The following TSHZ1 variants were observed in gnomAD, a reference collection of about 807,000 sequenced individuals.
TSHZ1 encodes the protein teashirt zinc finger homeobox 1.
Under a neutral mutation model 67.1 loss-of-function variants are expected in TSHZ1, and 12 were observed. That is an observed-to-expected ratio of 0.18 (90% CI 0.11 to 0.29). The LOEUF is 0.29. TSHZ1 is among the 10% of genes least tolerant of loss of function. The probability of loss-of-function intolerance (pLI) is 1.00; values close to 1 mark genes in which losing one functional copy is unlikely to be tolerated. For missense variants in TSHZ1, 1,305 were observed against 1,413.9 expected, an observed-to-expected ratio of 0.92 and a Z score of 1.23; for synonymous variants, 632 against 622.4, an observed-to-expected ratio of 1.02 and a Z score of -0.23.
chr18:75,219,483 C>T (rs563322730), intron 1 of TSHZ1, among the ~76,000 whole-genome samples: 9 of 152,328 alleles, frequency 5.9e-5, no homozygotes, highest in East Asian at 1.9e-4. Context: ...CCTTGAGATA[C>T]ACTAAGCACC....
intron 1 of TSHZ1, among the ~76,000 whole-genome samples, chr18:75,250,857 G>A (rs1471417176): frequency 6.6e-6 from 1 of 152,204 alleles, no homozygotes; most frequent in Non-Finnish European, 1.5e-5. Flanking sequence ...GGAGGGCGGA[G>A]GCCTGGCCGC....
At chr18:75,227,506 GA>G (rs953740125) in intron 1 of TSHZ1, among the ~76,000 whole-genome samples, 3 of 150,346 alleles carry the variant, frequency 2.0e-5, no homozygotes, top group African/African-American at 4.9e-5. Context: ...AAGTGCAAAG[GA>G]AAAAAAAAGT....
intron 1 of TSHZ1, among the ~76,000 whole-genome samples, chr18:75,262,067 C>T (rs1176118308): frequency 1.3e-5 from 2 of 152,156 alleles, no homozygotes; most frequent in Non-Finnish European, 2.9e-5. Flanking sequence ...AAAAAGCTGA[C>T]AGACTCTCAG....
rs188286295 is a variant in TSHZ1, at chr18:75,277,356, T to C, written c.41-8092T>C. On this transcript the variant is annotated intron_variant, in intron 1 of 1. Coordinates refer to ENST00000580243, the MANE Select transcript of TSHZ1 (RefSeq NM_001308210.2). ...CGATGGCACATCTGTGTGCAGGATG[T>C]TTTCTGATTCATTCTGTGAGTCTGT... is the stretch of plus-strand genomic sequence containing the variant. Among the ~76,000 whole-genome samples the C allele has an allele frequency of 2.9e-3, 437 of 152,234 alleles. 5 individuals carry two copies. Among genetic ancestry groups the C allele is most frequent in the African/African-American group, 9.8e-3 (405 of 41,526 alleles).
At chr18:75,236,280 C>T (rs961947606) in intron 1 of TSHZ1, among the ~76,000 whole-genome samples, 35 of 152,260 alleles carry the variant, frequency 2.3e-4, no homozygotes, top group African/African-American at 6.5e-4. Flanking sequence ...AGGGAGATGG[C>T]GTTCTTTGGG....
At chr18:75,265,808 TC>T (rs200186505) in intron 1 of TSHZ1, among the ~76,000 whole-genome samples, 1,826 of 152,036 alleles carry the variant, frequency 0.012, 12 homozygotes, top group South Asian at 0.021. Flanking sequence ...ATTTACTATT[TC>T]CCCCCCTTAC....
intron 1 of TSHZ1, among the ~76,000 whole-genome samples, chr18:75,227,084 C>T (rs144151793): frequency 6.6e-6 from 1 of 152,240 alleles, no homozygotes; most frequent in East Asian, 1.9e-4. Context: ...CCTGCATCTC[C>T]CCACTTTCTA....
intron 1 of TSHZ1, among the ~76,000 whole-genome samples, chr18:75,217,424 T>G (rs551505155): frequency 6.6e-6 from 1 of 152,194 alleles, no homozygotes; most frequent in South Asian, 2.1e-4. Context: ...ATAGACCAAA[T>G]GGAGCACTTG....
At chr18:75,247,513 T>C (rs2023239221) in intron 1 of TSHZ1, among the ~76,000 whole-genome samples, 1 of 152,246 alleles carries the variant, frequency 6.6e-6, no homozygotes, top group South Asian at 2.1e-4. Context: ...GCCCCTTAAG[T>C]TATCTTACTT....
intron 1 of TSHZ1, among the ~76,000 whole-genome samples, chr18:75,251,871 T>A (rs1343578192): frequency 6.6e-6 from 1 of 152,238 alleles, no homozygotes; most frequent in African/African-American, 2.4e-5. Flanking sequence ...CTTTAGCATC[T>A]CTATACTTGC....
chr18:75,217,096 A>G (rs993409176), intron 1 of TSHZ1, among the ~76,000 whole-genome samples: 1 of 152,192 alleles, frequency 6.6e-6, no homozygotes, highest in Non-Finnish European at 1.5e-5. Context: ...GTTTGCCAAG[A>G]GTTTTGGCTG....
At chr18:75,225,679 T>C (rs1223348461) in intron 1 of TSHZ1, among the ~76,000 whole-genome samples, 2 of 151,090 alleles carry the variant, frequency 1.3e-5, no homozygotes, top group Non-Finnish European at 2.9e-5. Context: ...CAAGGAGAGG[T>C]GCTGGTGGGC....
At chr18:75,236,951 A>G (rs2023080177) in intron 1 of TSHZ1, among the ~76,000 whole-genome samples, 1 of 152,154 alleles carries the variant, frequency 6.6e-6, no homozygotes, top group African/African-American at 2.4e-5. Context: ...GTAAGTTGTT[A>G]AAGCTTTAGT....
In TSHZ1 at chr18:75,275,864, G is replaced by A. The variant is rs180909906; in HGVS notation, c.41-9584G>A. On this transcript the variant is annotated intron_variant, in intron 1 of 1. Coordinates refer to ENST00000580243, the MANE Select transcript of TSHZ1 (RefSeq NM_001308210.2). ...ACTCCAGTAGTCAGCAAACAGCCAC[G>A]TGCTCTCTCAGGTGCATAGAAGTGT... is the stretch of plus-strand genomic sequence containing the variant. Among the ~76,000 whole-genome samples the A allele has an allele frequency of 5.0e-3, 765 of 152,306 alleles. 5 individuals carry two copies. The highest frequency in any genetic ancestry group is 0.01 in the Middle Eastern group (3 of 294).
At chr18:75,274,076 C>T (rs1260456919) in intron 1 of TSHZ1, among the ~76,000 whole-genome samples, 1 of 152,162 alleles carries the variant, frequency 6.6e-6, no homozygotes, top group Non-Finnish European at 1.5e-5. Context: ...CTGTAGGGTG[C>T]TGTGCGTGTC....
chr18:75,268,802 G>A (rs752507447), intron 1 of TSHZ1, among the ~76,000 whole-genome samples: 16 of 152,298 alleles, frequency 1.1e-4, no homozygotes, highest in Non-Finnish European at 1.9e-4. Flanking sequence ...GGTGTAGCGC[G>A]ATGTCTCTGA....
intron 1 of TSHZ1, among the ~76,000 whole-genome samples, chr18:75,264,443 C>T (rs1188528537): frequency 2.0e-5 from 3 of 151,528 alleles, no homozygotes; most frequent in African/African-American, 7.3e-5. Flanking sequence ...TGTTCATCAA[C>T]CTCATGCTTA....
chr18:75,220,610 A>ATAAAAC (rs2022833784), intron 1 of TSHZ1, among the ~76,000 whole-genome samples: 1 of 152,256 alleles, frequency 6.6e-6, no homozygotes, highest in South Asian at 2.1e-4. Flanking sequence ...TTACAGTAAA[A>ATAAAAC]TAAAACTAAA....
chr18:75,286,742 C>T lies in TSHZ1; in HGVS notation c.1335C>T (p.Thr445=). ...MMVTGHFLKV[T]TSASKKGKQL... ...TCACCGGGCACTTCCTGAAAGTGAC[C>T]ACCTCGGCTTCTAAGAAGGGCAAGC... The change falls in exon 2 of 2, where the codon ACC becomes ACT. Residue 445 remains threonine, a synonymous_variant. Transcript: ENST00000580243. This position sits in a 1 kb window ranked among gnomAD's most constrained non-coding sequence, Gnocchi z 5.1. 1.2e-6 allele frequency: 2 copies of T among 1,613,590 alleles called. No homozygotes were observed. Among genetic ancestry groups the T allele is most frequent in the Non-Finnish European group, 1.7e-6 (2 of 1,180,032 alleles).
Sources: allele counts gnomAD v4.1 joint callset (sites outside exome capture counted in the v4.1 genomes callset), GRCh38; gene constraint gnomAD v4.1.1; non-coding constraint Gnocchi (gnomAD v3.1); transcripts MANE v1.5; gene names NCBI Gene and HGNC (gene_info 2026-07-23, HGNC 2026-07-21).